Variants in NSMCE1 observed in about 807,000 individuals in gnomAD.
NSMCE1 encodes non-structural maintenance of chromosomes element 1 homolog.
A neutral mutation model predicts 29.6 loss-of-function variants in NSMCE1; 18 were observed. The ratio of observed to expected loss-of-function variants is 0.61; its 90% CI spans 0.42 to 0.90. The LOEUF (loss-of-function observed/expected upper bound fraction) is 0.90. NSMCE1 is among the 40% of genes least tolerant of loss of function. The pLI, the probability that NSMCE1 is intolerant of heterozygous loss-of-function variation, is 0.00. For missense variants in NSMCE1, 314 were observed against 343.6 expected (o/e 0.91, Z 0.68); for synonymous variants, 124 against 133.4 (o/e 0.93, Z 0.49).
chr16:27,226,589 A>C lies in NSMCE1; in HGVS notation c.600+131T>G, dbSNP rs1300254913. ...CACGTCCTGGGAGATGGCCTCCGCC[A>C]GCTCTTGTGGGAGGATGCGCCAGCA... On this transcript the variant is annotated intron_variant, in intron 6 of 7. Coordinates refer to ENST00000361439, the MANE Select transcript of NSMCE1 (RefSeq NM_145080.4). The C allele has an allele frequency of 6.3e-6, 4 of 630,322 alleles. No homozygotes were observed. In the African/African-American group the frequency reaches 7.3e-5, roughly 11 times the overall value. 39.0% of individuals were successfully genotyped at this position (630,322 alleles called of 1,614,324 possible). A position where few individuals can be genotyped will look rare whatever the true frequency, so the allele number is the denominator to read the frequency against.
chr16:27,249,178 C>T (rs2083994195), intron 2 of NSMCE1, among the ~76,000 whole-genome samples: 1 of 152,196 alleles, frequency 6.6e-6, no homozygotes, highest in Non-Finnish European at 1.5e-5. Context: ...TCTATATATT[C>T]TGAATACAAG....
At chr16:27,238,214 G>A (rs1470874210) in intron 2 of NSMCE1, among the ~76,000 whole-genome samples, 2 of 152,162 alleles carry the variant, frequency 1.3e-5, no homozygotes, top group African/African-American at 4.8e-5. Flanking sequence ...GGCCCTGCGT[G>A]AGCCTCTCCC....
rs147953353 is a variant in NSMCE1, at chr16:27,232,352, G to C, written c.483+649C>G. 1.4e-4 allele frequency among the ~76,000 whole-genome samples: 21 copies of C among 152,340 alleles called. 1 individual carries two copies. The East Asian group carries it at 4.0e-3, about 29-fold the overall frequency. ...TGCTCCATTCAGCAGGACTAGACGTGGGGGTGGGGGCAACATCTAGAAACT... is the reference window on the plus strand; with the variant it reads ...TGCTCCATTCAGCAGGACTAGACGTCGGGGTGGGGGCAACATCTAGAAACT... On this transcript the variant is annotated intron_variant, in intron 5 of 7. Coordinates refer to ENST00000361439, the MANE Select transcript of NSMCE1 (RefSeq NM_145080.4). This position sits in a 1 kb window ranked among gnomAD's most constrained non-coding sequence, Gnocchi z 4.5.
At chr16:27,235,324 G>C (rs769962123) in intron 2 of NSMCE1, 25 bp from the exon 3 acceptor site, 6 of 1,608,074 alleles carry the variant, frequency 3.7e-6, no homozygotes, top group Middle Eastern at 1.7e-4. Context: ...ACCAAAAAAA[G>C]GGGGGTGACC....
chr16:27,235,337 G>A (rs2083809170), intron 2 of NSMCE1, 38 bp from the exon 3 acceptor site: 1 of 1,605,170 alleles, frequency 6.2e-7, no homozygotes, highest in African/African-American at 1.3e-5. Flanking sequence ...GGGTGACCAG[G>A]GGGCCTCATC....
chr16:27,257,287 G>A, intron 2 of NSMCE1, 148 bp downstream of exon 2: 2 of 571,476 alleles, frequency 3.5e-6, no homozygotes, highest in Non-Finnish European at 5.7e-6. Context: ...GATGAAATTA[G>A]AAAGATGGGC....
At position 27,251,203 on chromosome 16, in the gene NSMCE1, TATATAA is replaced by T. The variant is rs1567281339; in HGVS notation, c.136+6226_136+6231del. ...ATATATATATATAAATATATATATA[TATATAA>T]AACTCTGTAGAGTTCAGACTCCTCA... On this transcript the variant is annotated intron_variant, in intron 2 of 7. Coordinates refer to ENST00000361439, the MANE Select transcript of NSMCE1 (RefSeq NM_145080.4). Among the ~76,000 whole-genome samples the T allele has an allele frequency of 1.2e-3, 85 of 73,036 alleles. 1 individual carries two copies. Among genetic ancestry groups the T allele is most frequent in the African/African-American group, 5.6e-3 (83 of 14,742 alleles). 47.9% of individuals were successfully genotyped at this position (73,036 alleles called of 152,430 possible).
intron 2 of NSMCE1, among the ~76,000 whole-genome samples, chr16:27,257,097 G>A (rs2084095824): frequency 6.6e-6 from 1 of 151,990 alleles, no homozygotes; most frequent in African/African-American, 2.4e-5. Flanking sequence ...TCAATTCCCT[G>A]AACCATGCAC....
chr16:27,235,943 C>A (rs909519123), intron 2 of NSMCE1, among the ~76,000 whole-genome samples: 1 of 152,230 alleles, frequency 6.6e-6, no homozygotes, highest in Non-Finnish European at 1.5e-5. Context: ...ATCCACCCTC[C>A]AGCAGCTCTC....
chr16:27,235,586 C>T (rs1490851237), intron 2 of NSMCE1, among the ~76,000 whole-genome samples: 2 of 152,184 alleles, frequency 1.3e-5, no homozygotes, highest in South Asian at 4.1e-4. Flanking sequence ...TTGCTCGCTG[C>T]CTCCTGATGA....
chr16:27,234,328 G>T (rs2083795940), intron 3 of NSMCE1, 63 bp from the exon 4 acceptor site: 17 of 1,109,494 alleles, frequency 1.5e-5, no homozygotes, highest in Non-Finnish European at 2.4e-5. Context: ...ACGTGTCGCT[G>T]GCTCTCCCTC....
intron 2 of NSMCE1, among the ~76,000 whole-genome samples, chr16:27,254,256 C>T (rs1471560268): frequency 6.6e-6 from 1 of 152,054 alleles, no homozygotes; most frequent in Non-Finnish European, 1.5e-5. Flanking sequence ...TGGCATTTTT[C>T]TTAAATGAAG....
chr16:27,225,394 G>C (rs566648089), intron 7 of NSMCE1, among the ~76,000 whole-genome samples, 158 bp from the exon 8 acceptor site: 1 of 152,350 alleles, frequency 6.6e-6, no homozygotes, highest in African/African-American at 2.4e-5. Context: ...GGAAGGCAGA[G>C]TTAGCCCCAG....
chr16:27,235,051 T>C, intron 3 of NSMCE1, 127 bp downstream of exon 3: 1 of 798,860 alleles, frequency 1.3e-6, no homozygotes, highest in South Asian at 1.8e-5. Context: ...TAATATTCTA[T>C]ACATTTGGAG....
intron 1 of NSMCE1, among the ~76,000 whole-genome samples, chr16:27,260,156 G>A (rs1321234462): frequency 2.6e-5 from 4 of 152,118 alleles, no homozygotes; most frequent in Non-Finnish European, 5.9e-5. Flanking sequence ...CAGAAGAAAT[G>A]CTTCTATCTT....
At chr16:27,253,212 C>G (rs565913698) in intron 2 of NSMCE1, among the ~76,000 whole-genome samples, 1 of 152,238 alleles carries the variant, frequency 6.6e-6, no homozygotes, top group Admixed American at 6.5e-5. Context: ...ATGGGAACCA[C>G]TGATGTACAG....
At chr16:27,265,814 C>T (rs748544398) in intron 1 of NSMCE1, among the ~76,000 whole-genome samples, 8 of 152,120 alleles carry the variant, frequency 5.3e-5, no homozygotes, top group Non-Finnish European at 1.2e-4. Flanking sequence ...TACATAAAAT[C>T]GAAAACTCAG....
At chr16:27,237,278 G>C (rs2083836548) in intron 2 of NSMCE1, among the ~76,000 whole-genome samples, 1 of 152,246 alleles carries the variant, frequency 6.6e-6, no homozygotes, top group South Asian at 2.1e-4. Flanking sequence ...AGGGAGGCAT[G>C]GCCTGACTTC....
At chr16:27,237,004 T>G (rs547775648) in intron 2 of NSMCE1, among the ~76,000 whole-genome samples, 1 of 150,370 alleles carries the variant, frequency 6.7e-6, no homozygotes, top group African/African-American at 2.4e-5. Flanking sequence ...GATGTGGCCG[T>G]GTGAAAGAGT....
Sources: allele counts gnomAD v4.1 joint callset (sites outside exome capture counted in the v4.1 genomes callset), GRCh38; gene constraint gnomAD v4.1.1; non-coding constraint Gnocchi (gnomAD v3.1); transcripts MANE v1.5; gene names NCBI Gene and HGNC (gene_info 2026-07-23, HGNC 2026-07-21).